RIPOR2: variants seen among roughly 807,000 people sequenced by gnomAD.
The protein encoded by RIPOR2 is RHO family interacting cell polarization regulator 2.
In RIPOR2, 39 loss-of-function variants were observed where a neutral mutation model predicts 114.5. The observed-to-expected ratio is 0.34, with a 90% confidence interval of 0.26 to 0.44. RIPOR2 has a LOEUF of 0.44. RIPOR2 is among the 20% of genes least tolerant of loss of function. The pLI is 1.00. For missense variants in RIPOR2, 1,007 were observed against 1,255.1 expected (o/e 0.80, Z 2.99); for synonymous variants, 445 against 484.4 (o/e 0.92, Z 1.07).
chr6:24,839,926 GC>G (rs1203950354), intron 13 of RIPOR2: 11 of 211,638 alleles, frequency 5.2e-5, no homozygotes, highest in Non-Finnish European at 8.4e-5. Flanking sequence ...TAGGTAAGAA[GC>G]CCTGCATCTT....
chr6:24,825,385 C>T lies in RIPOR2; in HGVS notation c.2709G>A (p.Leu903=). The T allele has an allele frequency of 6.4e-7, 1 of 1,552,174 alleles. No homozygotes were observed. The highest frequency in any genetic ancestry group is 1.2e-5 in the South Asian group (1 of 84,064). ...GAGCAAGGTCACTCATGGTTTGTAG[C>T]AGTTTTTCATCTCTTAGTGATTGCA... ...QTLQSLRDEK[L]LQTMSDLAPS... is the part of the protein sequence containing the mutation. Residue 903 remains leucine (L), a synonymous_variant, in exon 19 of 22, where the codon CTG becomes CTA. Coordinates refer to ENST00000643898, the MANE Select transcript of RIPOR2 (RefSeq NM_001286445.3).
At chr6:25,016,044 C>T (rs891202249) in intron 1 of RIPOR2, among the ~76,000 whole-genome samples, 28 of 151,614 alleles carry the variant, frequency 1.8e-4, no homozygotes, top group African/African-American at 6.5e-4. Context: ...GCTGGGACTA[C>T]AGGCAGGCGC....
intron 1 of RIPOR2, among the ~76,000 whole-genome samples, chr6:24,995,031 C>T (rs561236046): frequency 6.6e-6 from 1 of 152,312 alleles, no homozygotes; most frequent in African/African-American, 2.4e-5. Context: ...AGGGGATACT[C>T]TAAATCCAGG....
chr6:24,934,983 G>T (rs1771659513), intron 1 of RIPOR2, among the ~76,000 whole-genome samples: 1 of 152,128 alleles, frequency 6.6e-6, no homozygotes, highest in Non-Finnish European at 1.5e-5. Flanking sequence ...TGGAGGGTTG[G>T]AGTGCCAAGT....
At chr6:24,884,681 T>C (rs574452060) in intron 1 of RIPOR2, among the ~76,000 whole-genome samples, 1 of 152,316 alleles carries the variant, frequency 6.6e-6, no homozygotes, top group African/African-American at 2.4e-5. Context: ...ACTGTATCTG[T>C]AGAGTAAAGG....
At chr6:24,967,695 G>T (rs1184957258) in intron 1 of RIPOR2, among the ~76,000 whole-genome samples, 1 of 152,116 alleles carries the variant, frequency 6.6e-6, no homozygotes, top group Non-Finnish European at 1.5e-5. Context: ...TATATTAGTT[G>T]TTTTCCTGTG....
chr6:24,841,758 C>T (rs926970929), intron 13 of RIPOR2, among the ~76,000 whole-genome samples: 2 of 151,972 alleles, frequency 1.3e-5, no homozygotes, highest in Non-Finnish European at 2.9e-5. Flanking sequence ...GTTGGGACTA[C>T]AGGTGTGTGC....
At position 24,849,756 on chromosome 6, in the gene RIPOR2, G is replaced by A. The variant is rs765013332; in HGVS notation, c.1034+46C>T. On this transcript the variant is annotated intron_variant, in intron 11 of 21. Coordinates refer to ENST00000643898, the MANE Select transcript of RIPOR2 (RefSeq NM_001286445.3). ...GCACCAGCTTTGAGTAGCACTAGCC[G>A]GTATCAGATATTTCTATATGATGAA... 25 of 1,546,030 alleles carry A rather than the reference G, an allele frequency of 1.6e-5. No homozygotes were observed. The East Asian group carries it at 3.8e-4, about 24-fold the overall frequency.
At chr6:24,842,653 C>T (rs1174020279) in intron 13 of RIPOR2, among the ~76,000 whole-genome samples, 3 of 152,106 alleles carry the variant, frequency 2.0e-5, no homozygotes, top group Admixed American at 1.3e-4. Flanking sequence ...TGTTTAAATC[C>T]TAATCAATTT....
chr6:25,003,195 C>A (rs893416122), intron 1 of RIPOR2, among the ~76,000 whole-genome samples: 1 of 152,098 alleles, frequency 6.6e-6, no homozygotes, highest in Admixed American at 6.5e-5. Flanking sequence ...TTCTAAGTAA[C>A]CTTTCTCAGA....
chr6:25,034,489 C>T (rs1345334520), intron 1 of RIPOR2, among the ~76,000 whole-genome samples: 2 of 152,122 alleles, frequency 1.3e-5, no homozygotes, highest in Non-Finnish European at 2.9e-5. Context: ...CCTCCTTACC[C>T]CCAACTTGAT....
chr6:25,005,738 T>TACATATATATATATAC (rs1554130559), intron 1 of RIPOR2, among the ~76,000 whole-genome samples: 7 of 70,700 alleles, frequency 9.9e-5, no homozygotes, highest in Non-Finnish European at 1.7e-4. Context: ...TATATATATA[T>TACATATATATATATAC]ATACATTTAC....
At chr6:25,031,706 T>TAG (rs1162207752) in intron 1 of RIPOR2, among the ~76,000 whole-genome samples, 4 of 5,434 alleles carry the variant, frequency 7.4e-4, no homozygotes, top group Admixed American at 2.0e-3. Flanking sequence ...TAGTTATATA[T>TAG]ATATATATAT....
chr6:24,819,537 A>G (rs1398665484), intron 19 of RIPOR2, among the ~76,000 whole-genome samples: 1 of 151,650 alleles, frequency 6.6e-6, no homozygotes, highest in Non-Finnish European at 1.5e-5. Context: ...TTTTTGAGAC[A>G]GAATCTCGCT....
chr6:24,839,160 C>T lies in RIPOR2; in HGVS notation c.1970G>A (p.Gly657Asp), dbSNP rs1761388099. ...NTSDFDEEED[G>D]DEVCNVGGGA... Reference sequence around the variant, plus strand: ...TCCGCCAACATTACAAACCTCATCACCATCCTCCTCCTCGTCAAAATCAGA... The same window carrying T: ...TCCGCCAACATTACAAACCTCATCATCATCCTCCTCCTCGTCAAAATCAGA... The change falls in exon 14 of 22, where the codon GGT becomes GAT. Residue 657 changes from glycine (G) to aspartate (D), a missense_variant. Transcript: ENST00000643898. 5 of 1,551,726 alleles carry T rather than the reference C, an allele frequency of 3.2e-6. No homozygotes were observed. Among genetic ancestry groups the T allele is most frequent in the African/African-American group, 1.4e-5 (1 of 73,164 alleles).
At chr6:24,967,528 G>A (rs1773580774) in intron 1 of RIPOR2, among the ~76,000 whole-genome samples, 1 of 152,072 alleles carries the variant, frequency 6.6e-6, no homozygotes, top group Non-Finnish European at 1.5e-5. Context: ...GAAGCCAAGA[G>A]GTCCCTGCAA....
chr6:24,887,170 G>T (rs758314300), intron 1 of RIPOR2, among the ~76,000 whole-genome samples: 6 of 152,134 alleles, frequency 3.9e-5, no homozygotes, highest in Non-Finnish European at 5.9e-5. Context: ...TTACTGATGG[G>T]GTACTAACAT....
intron 1 of RIPOR2, among the ~76,000 whole-genome samples, chr6:24,928,068 A>C (rs1281281699): frequency 1.3e-5 from 2 of 152,170 alleles, no homozygotes; most frequent in African/African-American, 4.8e-5. Flanking sequence ...TTTTCTTTAA[A>C]AAGCTTTCTA....
chr6:24,895,809 T>C lies in RIPOR2; in HGVS notation c.62-19992A>G, dbSNP rs954029761. 5.3e-5 allele frequency among the ~76,000 whole-genome samples: 8 copies of C among 152,128 alleles called. No individual in the cohort carries two copies. The South Asian group carries it at 8.3e-4, about 16-fold the overall frequency. ...ATCAAGACCATCCTGGCCAACACGG[T>C]GAAACCCTGTCTCTACTAAAAAATA... On this transcript the variant is annotated intron_variant, in intron 1 of 21. Coordinates refer to ENST00000643898, the MANE Select transcript of RIPOR2 (RefSeq NM_001286445.3).
Sources: gnomAD v4.1 joint callset for allele counts (sites outside exome capture counted in the v4.1 genomes callset) on GRCh38, gnomAD v4.1.1 for gene constraint, MANE v1.5 for transcripts, NCBI Gene and HGNC (gene_info 2026-07-23, HGNC 2026-07-21) for gene names.